Variants in CD163 observed in about 807,000 individuals in gnomAD.
CD163 encodes scavenger receptor cysteine-rich type 1 protein M130.
A neutral mutation model predicts 129.2 loss-of-function variants in CD163; 64 were observed. The ratio of observed to expected loss-of-function variants is 0.50; its 90% confidence interval spans 0.41 to 0.61. The LOEUF (loss-of-function observed/expected upper bound fraction) is 0.61, where lower values mean the gene tolerates loss of function less well. Ranked by LOEUF, CD163 falls within the 20% of genes least tolerant of loss-of-function variation. The pLI, the probability that CD163 is intolerant of heterozygous loss-of-function variation, is 0.00. For synonymous variants in CD163, 446 were observed against 478.5 expected, an observed-to-expected ratio of 0.93 and a Z score of 0.89; for missense variants, 1,061 against 1,377.9, an observed-to-expected ratio of 0.77 and a Z score of 3.64.
chr12:7,499,697 T>C (rs1949452518), intron 3 of CD163, among the ~76,000 whole-genome samples: 1 of 152,220 alleles, frequency 6.6e-6, no homozygotes. Context: ...ATGATAATTT[T>C]AAACTTTGCA....
chr12:7,473,908 A>C (rs749147102), intron 16 of CD163, among the ~76,000 whole-genome samples: 1 of 152,326 alleles, frequency 6.6e-6, no homozygotes, highest in South Asian at 2.1e-4. Flanking sequence ...AAACAAAAAA[A>C]AGAAAACAGG....
At chr12:7,502,007 C>G (rs183355135) in intron 2 of CD163, among the ~76,000 whole-genome samples, 1 of 152,006 alleles carries the variant, frequency 6.6e-6, no homozygotes, top group African/African-American at 2.4e-5. Context: ...TAAAATAAAC[C>G]TCTTTGTACT....
At position 7,481,237 on chromosome 12, in the gene CD163, G is replaced by T. The variant is rs748571857; in HGVS notation, c.3267C>A (p.Asn1089Lys). 8 of 1,613,654 alleles carry T rather than the reference G, an allele frequency of 5.0e-6. No homozygotes were observed. The South Asian group carries it at 7.7e-5, about 16-fold the overall frequency. ...QRLAVSSRGENLVHQIQYREM... is the reference protein window; with the variant it reads ...QRLAVSSRGEKLVHQIQYREM... The stretch of plus-strand genomic sequence containing the variant: ...CCCGGTATTGAATTTGGTGGACTAA[G>T]TTCTCTCCTCTTGAGGAAACTGAAA... Residue 1089 changes from asparagine (N) to lysine (K), a missense_variant, in exon 15 of 17, where the codon AAC becomes AAA. Transcript: ENST00000432237.
chr12:7,482,924 A>C, intron 13 of CD163, 42 bp downstream of exon 13: 1 of 1,602,754 alleles, frequency 6.2e-7, no homozygotes, highest in Non-Finnish European at 8.5e-7. Flanking sequence ...AATTCTATGT[A>C]TGCAGATAAT....
At chr12:7,479,938 A>T (rs769189346) in intron 15 of CD163, 25 bp from the exon 16 acceptor site, 15 of 1,612,738 alleles carry the variant, frequency 9.3e-6, no homozygotes, top group Non-Finnish European at 1.3e-5. Flanking sequence ...AAATAGGAAG[A>T]AATTTAGACA....
intron 6 of CD163, among the ~76,000 whole-genome samples, chr12:7,488,704 G>T (rs1949290203): frequency 1.3e-5 from 2 of 152,054 alleles, no homozygotes; most frequent in Non-Finnish European, 2.9e-5. Flanking sequence ...TGTCTCAACT[G>T]CTAATAAATA....
At chr12:7,472,496 G>T (rs2136677682) in intron 16 of CD163, among the ~76,000 whole-genome samples, 1 of 152,212 alleles carries the variant, frequency 6.6e-6, no homozygotes, top group African/African-American at 2.4e-5. Context: ...ACTGTTATAA[G>T]AAAAACTAAC....
rs1351041137 is a variant in CD163 at position 7,495,349 on chromosome 12, C to G, written c.1152G>C (p.Gly384=). The change falls in exon 6 of 17, where the codon GGG becomes GGC. Residue 384 remains glycine, a synonymous_variant. Transcript: ENST00000432237. ...RLRGGGSRCA[G]TVEVEIQRLL... ...GTCTCTGAATCTCCACCTCAACTGT[C>G]CCAGCACAGCGGCTGCCTCCACCTC... The G allele has an allele frequency of 1.2e-6, 2 of 1,614,026 alleles. No individual in the cohort carries two copies. Among genetic ancestry groups the G allele is most frequent in the East Asian group, 4.5e-5 (2 of 44,898 alleles).
At chr12:7,477,716 C>A (rs921153851) in intron 16 of CD163, among the ~76,000 whole-genome samples, 5 of 151,958 alleles carry the variant, frequency 3.3e-5, no homozygotes, top group Admixed American at 2.0e-4. Context: ...ATGTAACAAA[C>A]CTGCACATTC....
At chr12:7,477,415 A>C (rs1949102077) in intron 16 of CD163, among the ~76,000 whole-genome samples, 3 of 152,158 alleles carry the variant, frequency 2.0e-5, no homozygotes, top group African/African-American at 7.2e-5. Context: ...CATAAAAAAG[A>C]ATGAGTTCAT....
intron 3 of CD163, among the ~76,000 whole-genome samples, chr12:7,500,338 T>C (rs1949463201): frequency 7.0e-6 from 1 of 142,480 alleles, no homozygotes; most frequent in African/African-American, 2.5e-5. Context: ...GGAGAATTGC[T>C]TGAACCCGGG....
At position 7,492,807 on chromosome 12, in the gene CD163, C is replaced by T. The variant is rs984030380; in HGVS notation, c.1420+2274G>A. Among the ~76,000 whole-genome samples, 4 of 152,232 alleles carry T rather than the reference C, an allele frequency of 2.6e-5. No individual in the cohort carries two copies. The Middle Eastern group carries it at 0.014, about 518-fold the overall frequency. On this transcript the variant is annotated intron_variant, in intron 6 of 16. Transcript: ENST00000432237. ...AATTGAAGAAAAAACTCTAAGTATCCTGTCCCCCCAAATTGAGGTGGTGGT... is the reference window on the plus strand; with the variant it reads ...AATTGAAGAAAAAACTCTAAGTATCTTGTCCCCCCAAATTGAGGTGGTGGT...
rs763897846 is a variant in CD163, at chr12:7,482,542, G to C, written c.3247+101C>G. 6.1e-5 allele frequency: 80 copies of C among 1,307,744 alleles called. 1 individual carries two copies. In the African/African-American group the frequency reaches 1.0e-3, roughly 17 times the overall value. 81.0% of individuals were successfully genotyped at this position (1,307,744 alleles called of 1,614,324 possible). A position where few individuals can be genotyped will look rare whatever the true frequency, so the allele number is the denominator to read the frequency against. The stretch of plus-strand genomic sequence containing the variant: ...TGAGAAACTGCTCAAACCTCTTTTA[G>C]AGTCCATCTTTCTGGCCATTAGACT... On this transcript the variant is annotated intron_variant, in intron 14 of 16. Coordinates refer to ENST00000432237, the MANE Select transcript of CD163 (RefSeq NM_203416.4).
intron 6 of CD163, 48 bp from the exon 7 acceptor site, chr12:7,488,135 T>G: frequency 6.6e-7 from 1 of 1,511,862 alleles, no homozygotes; most frequent in Non-Finnish European, 8.9e-7. Context: ...ATTTCCAGAT[T>G]TCCATTCATG....
At chr12:7,484,596 G>A (rs867572343) in intron 11 of CD163, among the ~76,000 whole-genome samples, 15 of 134,628 alleles carry the variant, frequency 1.1e-4, no homozygotes, top group Non-Finnish European at 1.1e-4. Context: ...CCAAGATCAC[G>A]CCATTGCACT....
At position 7,501,275 on chromosome 12, in the gene CD163, A is replaced by G. The variant is rs1212231304; in HGVS notation, c.321T>C (p.Ser107=). 2 of 1,614,082 alleles carry G rather than the reference A, an allele frequency of 1.2e-6. No homozygotes were observed. Among genetic ancestry groups the G allele is most frequent in the Non-Finnish European group, 1.7e-6 (2 of 1,180,026 alleles). ...AIKAPGWANS[S]AGSGRIWMDH... ...CCATCCAAATGCGTCCAGAACCTGC[A>G]CTGGAATTAGCCCATCCAGGGGCTT... The change falls in exon 3 of 17, where the codon AGT becomes AGC. Residue 107 remains serine, a synonymous_variant. Coordinates refer to ENST00000432237, the MANE Select transcript of CD163 (RefSeq NM_203416.4).
intron 16 of CD163, among the ~76,000 whole-genome samples, chr12:7,477,798 T>G (rs1219026644): frequency 3.3e-5 from 5 of 152,166 alleles, no homozygotes; most frequent in African/African-American, 9.7e-5. Flanking sequence ...CACCCTCATG[T>G]GATTCTGAAG....
At chr12:7,502,409 A>G (rs1301341103) in intron 2 of CD163, 69 bp downstream of exon 2, 6 of 981,592 alleles carry the variant, frequency 6.1e-6, no homozygotes, top group Non-Finnish European at 9.9e-6. Flanking sequence ...CTTCAGAAAA[A>G]TTGTTTGCCT....
rs931015316 is a variant in CD163 at position 7,485,038 on chromosome 12, C to T, written c.2779+58G>A. ...GAAAATAAAATCCAGTGTCCATTAT[C>T]AGAAGATGATAGCGGGGCTGCAGAA... On this transcript the variant is annotated intron_variant, in intron 11 of 16. Coordinates refer to ENST00000432237, the MANE Select transcript of CD163 (RefSeq NM_203416.4). The surrounding 1 kb of genome is among the most constrained non-coding windows in gnomAD (Gnocchi z 4.5). 5 of 1,410,660 alleles carry T rather than the reference C, an allele frequency of 3.5e-6. No individual in the cohort carries two copies. The highest frequency in any genetic ancestry group is 2.9e-6 in the Non-Finnish European group (3 of 1,039,212). The allele number at this position is 1,410,660 out of a possible 1,614,324, so 87.4% of individuals were successfully genotyped here. A position where few individuals can be genotyped will look rare whatever the true frequency, so the allele number is the denominator to read the frequency against.
Sources: gnomAD v4.1 joint callset for allele counts (sites outside exome capture counted in the v4.1 genomes callset) on GRCh38, gnomAD v4.1.1 for gene constraint, Gnocchi (gnomAD v3.1) non-coding constraint, MANE v1.5 for transcripts, NCBI Gene and HGNC (gene_info 2026-07-23, HGNC 2026-07-21) for gene names.